Variants in ANGPT4 observed in about 807,000 individuals in gnomAD.
ANGPT4 encodes the protein angiopoietin 4, also known as angiopoietin-4.
ANGPT4 carries 50 observed loss-of-function variants against 53.0 expected under a neutral mutation model. The ratio of observed to expected loss-of-function variants is 0.94; its 90% CI spans 0.75 to 1.20. The LOEUF is 1.20. Among genes scored for constraint, ANGPT4 ranks in the 50% most tolerant of loss-of-function variants. ANGPT4 has a pLI of 0.00. For synonymous variants in ANGPT4, 251 were observed against 259.7 expected (o/e 0.97, Z 0.32); for missense variants, 648 against 637.1 (o/e 1.02, Z -0.18).
chr20:906,227 C>T lies in ANGPT4; in HGVS notation c.309+9679G>A, dbSNP rs181064523. ...GACCACACGCTTTAGAGGAAGTAGG[C>T]CACTATGGCCTGAGGACCCTTAAGC... On this transcript the variant is annotated intron_variant, in intron 1 of 8. Transcript: ENST00000381922. Among the ~76,000 whole-genome samples, 319 of 152,300 alleles carry T rather than the reference C, an allele frequency of 2.1e-3. 1 individual carries two copies. Among genetic ancestry groups the T allele is most frequent in the African/African-American group, 7.4e-3 (308 of 41,560 alleles).
At chr20:890,414 G>GC (rs1248372148) in intron 1 of ANGPT4, 46 bp from the exon 2 acceptor site, 2 of 1,555,258 alleles carry the variant, frequency 1.3e-6, no homozygotes, top group African/African-American at 2.7e-5. Flanking sequence ...GGCGGGGGAA[G>GC]CCCCCTGTCC....
chr20:897,214 A>T (rs1333087617), intron 1 of ANGPT4, among the ~76,000 whole-genome samples: 1 of 152,194 alleles, frequency 6.6e-6, no homozygotes, highest in African/African-American at 2.4e-5. Context: ...TTTGGTTCAC[A>T]TGGACGTGCA....
intron 3 of ANGPT4, among the ~76,000 whole-genome samples, chr20:886,907 A>C (rs561432660): frequency 9.2e-5 from 14 of 152,260 alleles, no homozygotes; most frequent in Non-Finnish European, 1.3e-4. Context: ...ATGTCAGCTT[A>C]TAGGATGTCA....
intron 1 of ANGPT4, among the ~76,000 whole-genome samples, chr20:894,438 G>T (rs1981966072): frequency 6.6e-6 from 1 of 152,076 alleles, no homozygotes; most frequent in Non-Finnish European, 1.5e-5. Flanking sequence ...CCTCGGGAGG[G>T]GTGCCTTCGA....
At position 912,509 on chromosome 20, in the gene ANGPT4, T is replaced by C. The variant is rs1982742978; in HGVS notation, c.309+3397A>G. Among the ~76,000 whole-genome samples, 7 of 152,118 alleles carry C rather than the reference T, an allele frequency of 4.6e-5. No homozygotes were observed. In the Middle Eastern group the frequency reaches 0.014, roughly 298 times the overall value. ...ATTCCTGCCTGCAGCTTCTCATCCA[T>C]ATGAGCGGGGTGGAGCAGAGCCCAG... On this transcript the variant is annotated intron_variant, in intron 1 of 8. Coordinates refer to ENST00000381922, the MANE Select transcript of ANGPT4 (RefSeq NM_015985.4).
At chr20:905,081 A>T (rs1479563617) in intron 1 of ANGPT4, among the ~76,000 whole-genome samples, 2 of 152,084 alleles carry the variant, frequency 1.3e-5, no homozygotes, top group African/African-American at 4.8e-5. Flanking sequence ...GCACCAAAGC[A>T]TCTCCCACCA....
At position 870,944 on chromosome 20, in the gene ANGPT4, T is replaced by C. The variant is rs1169885048; in HGVS notation, c.*2016A>G. 6.6e-6 allele frequency: 1 copy of C among 152,220 alleles called. No homozygotes were observed. The highest frequency in any genetic ancestry group is 1.5e-5 in the Non-Finnish European group (1 of 68,056). The allele number at this position is 152,220 out of a possible 1,614,324, so 9.4% of individuals were successfully genotyped here. On this transcript the variant is annotated 3_prime_UTR_variant, in exon 9 of 9. Transcript: ENST00000381922. ...GGAAGGAATATTATCATCTCCATTT[T>C]ACAGATGGGAAAACTGAGGCTTTGA...
intron 4 of ANGPT4, among the ~76,000 whole-genome samples, chr20:883,086 TGA>T (rs1224496638): frequency 6.6e-6 from 1 of 152,236 alleles, no homozygotes; most frequent in Admixed American, 6.5e-5. Flanking sequence ...AAGAACTCTA[TGA>T]GATTATTATT....
chr20:881,857 G>C (rs1283772092), intron 4 of ANGPT4, among the ~76,000 whole-genome samples: 1 of 152,194 alleles, frequency 6.6e-6, no homozygotes, highest in Non-Finnish European at 1.5e-5. Flanking sequence ...TCAAAGCTGG[G>C]AGGCCAGAGA....
intron 1 of ANGPT4, among the ~76,000 whole-genome samples, chr20:899,400 A>C (rs1190888429): frequency 8.0e-5 from 12 of 150,674 alleles, no homozygotes; most frequent in Non-Finnish European, 8.9e-5. Flanking sequence ...GGTGCCTGCC[A>C]CCACGCCTAG....
At chr20:907,744 G>C (rs1600064213) in intron 1 of ANGPT4, among the ~76,000 whole-genome samples, 1 of 152,190 alleles carries the variant, frequency 6.6e-6, no homozygotes, top group Non-Finnish European at 1.5e-5. Flanking sequence ...CTTGGCTAGA[G>C]TGATCATGTG....
chr20:907,438 G>A (rs1463870178), intron 1 of ANGPT4, among the ~76,000 whole-genome samples: 2 of 152,186 alleles, frequency 1.3e-5, no homozygotes, highest in African/African-American at 4.8e-5. Flanking sequence ...GCCTTTGGTG[G>A]TCGTCTATAT....
chr20:878,979 C>T (rs6086321), intron 6 of ANGPT4, among the ~76,000 whole-genome samples: 10,159 of 152,244 alleles, frequency 0.067, 483 homozygotes, highest in South Asian at 0.13. Flanking sequence ...CCAATTTAGT[C>T]ACGATGCAAT....
At chr20:878,366 G>A (rs1335949637) in intron 6 of ANGPT4, 39 bp from the exon 7 acceptor site, 2 of 1,565,466 alleles carry the variant, frequency 1.3e-6, no homozygotes, top group South Asian at 2.3e-5. Context: ...TCATGCTGAG[G>A]AGGAGGCCAT....
In ANGPT4 at chr20:885,136, G is replaced by C; in HGVS notation, c.777C>G (p.Arg259=). ...GGTGCCGCAACAACACCAGCAGCTG[G>C]CGCAGGCTGTGCTGCTGGTCCTGCA... ...SLLQDQQHSL[R]QLLVLLRHLV... The change falls in exon 4 of 9, where the codon CGC becomes CGG. Residue 259 remains arginine, a synonymous_variant. Transcript: ENST00000381922. The C allele has an allele frequency of 1.2e-6, 2 of 1,612,738 alleles. No individual in the cohort carries two copies. Among genetic ancestry groups the C allele is most frequent in the Non-Finnish European group, 1.7e-6 (2 of 1,179,580 alleles).
intron 1 of ANGPT4, among the ~76,000 whole-genome samples, chr20:897,954 C>T (rs976494446): frequency 5.9e-5 from 9 of 152,188 alleles, no homozygotes; most frequent in Non-Finnish European, 1.0e-4. Context: ...TTGATTTCTC[C>T]ATCTTACAAG....
chr20:878,089 T>C, intron 7 of ANGPT4, 72 bp downstream of exon 7: 1 of 1,498,570 alleles, frequency 6.7e-7, no homozygotes, highest in Non-Finnish European at 9.0e-7. Flanking sequence ...CTGTAGACAC[T>C]AGCCTGGGGA....
chr20:873,085 T>C lies in ANGPT4; in HGVS notation c.1387A>G (p.Asn463Asp). 6.2e-7 allele frequency: 1 copy of C among 1,613,872 alleles called. No individual in the cohort carries two copies. Among genetic ancestry groups the C allele is most frequent in the South Asian group, 1.1e-5 (1 of 91,074 alleles). Residue 463 changes from asparagine (N) to aspartate (D), a missense_variant, in exon 9 of 9, where the codon AAC (asparagine) becomes GAC (aspartate). Coordinates refer to ENST00000381922, the MANE Select transcript of ANGPT4 (RefSeq NM_015985.4). ...TCGGGAGCGTGGTAGTAGACGCCGT[T>C]GAGGTTTGACAGGCCACAGGCGTCA... ...WFDACGLSNL[N>D]GVYYHAPDNK...
intron 1 of ANGPT4, among the ~76,000 whole-genome samples, chr20:890,736 G>A (rs370468656): frequency 2.6e-5 from 4 of 152,200 alleles, no homozygotes; most frequent in South Asian, 2.1e-4. Context: ...AGGTTCCTCC[G>A]TGACTGGGCC....
Sources: allele counts gnomAD v4.1 joint callset (sites outside exome capture counted in the v4.1 genomes callset), GRCh38; gene constraint gnomAD v4.1.1; transcripts MANE v1.5; gene names NCBI Gene and HGNC (gene_info 2026-07-23, HGNC 2026-07-21).